The following RNF111 variants were observed in gnomAD, a reference collection of about 807,000 sequenced individuals.
RNF111 encodes ring finger protein 111.
In RNF111, 17 loss-of-function variants were observed where a neutral mutation model predicts 95.1. The observed-to-expected ratio is 0.18, with a 90% confidence interval of 0.12 to 0.27. The LOEUF is 0.27. Ranked by LOEUF, RNF111 falls within the 10% of genes least tolerant of loss-of-function variation. The probability of loss-of-function intolerance (pLI) is 1.00; values close to 1 mark genes in which losing one functional copy is unlikely to be tolerated. For synonymous variants in RNF111, 440 were observed against 414.8 expected (o/e 1.06, Z -0.74); for missense variants, 1,189 against 1,210.4 (o/e 0.98, Z 0.26).
intron 6 of RNF111, among the ~76,000 whole-genome samples, chr15:59,072,545 C>T (rs1348826533): frequency 6.6e-6 from 1 of 150,392 alleles, no homozygotes; most frequent in Non-Finnish European, 1.5e-5. Context: ...GCTCCACCTC[C>T]CAGGTTCATG....
intron 7 of RNF111, among the ~76,000 whole-genome samples, chr15:59,077,941 T>C (rs1403540534): frequency 6.6e-6 from 1 of 152,224 alleles, no homozygotes; most frequent in South Asian, 2.1e-4. Flanking sequence ...GCCCGTGCTT[T>C]TAAAAAACAT....
At chr15:58,996,777 TG>T (rs1297321452) in intron 1 of RNF111, among the ~76,000 whole-genome samples, 1 of 151,716 alleles carries the variant, frequency 6.6e-6, no homozygotes, top group Non-Finnish European at 1.5e-5. Context: ...TAACTTAATG[TG>T]TGTTTTTTCA....
chr15:59,092,602 T>C lies in RNF111; in HGVS notation c.2805T>C (p.Thr935=). The part of the protein sequence containing the change: ...GTEEDTEEKC[T]ICLSILEEGE... ...AGGAAGACACAGAGGAAAAATGTAC[T>C]ATCTGTTTGTCTATTTTAGAGGAAG... Residue 935 remains threonine, a synonymous_variant, in exon 13 of 14, where the codon ACT becomes ACC. Transcript: ENST00000348370. 2 of 1,612,288 alleles carry C rather than the reference T, an allele frequency of 1.2e-6. No individual in the cohort carries two copies. Among genetic ancestry groups the C allele is most frequent in the Non-Finnish European group, 1.7e-6 (2 of 1,178,646 alleles).
At chr15:59,070,816 G>T (rs1260417133) in intron 6 of RNF111, among the ~76,000 whole-genome samples, 7 of 152,044 alleles carry the variant, frequency 4.6e-5, no homozygotes, top group African/African-American at 1.7e-4. Flanking sequence ...TTCCTCTCGG[G>T]ACTGTTGGGT....
chr15:58,996,541 A>G (rs1368103570), intron 1 of RNF111, among the ~76,000 whole-genome samples: 1 of 151,798 alleles, frequency 6.6e-6, no homozygotes, highest in Non-Finnish European at 1.5e-5. Flanking sequence ...AGATCATGCC[A>G]CTGTACTCCA....
At chr15:59,001,825 A>G (rs2039336654) in intron 1 of RNF111, among the ~76,000 whole-genome samples, 1 of 152,218 alleles carries the variant, frequency 6.6e-6, no homozygotes, top group Non-Finnish European at 1.5e-5. Flanking sequence ...TGAGGGATAC[A>G]GTCCAAGACC....
chr15:59,004,193 G>T, intron 1 of RNF111: 1 of 1,072,520 alleles, frequency 9.3e-7, no homozygotes, highest in African/African-American at 1.7e-5. Flanking sequence ...TTTGTTTTTA[G>T]TTATCTTCCT....
At chr15:58,990,138 A>G (rs1183815119) in intron 1 of RNF111, among the ~76,000 whole-genome samples, 1 of 152,214 alleles carries the variant, frequency 6.6e-6, no homozygotes, top group Non-Finnish European at 1.5e-5. Flanking sequence ...GCTATACATT[A>G]GATCTCCGAG....
At chr15:59,085,812 G>A in intron 10 of RNF111, 27 bp downstream of exon 10, 1 of 1,602,008 alleles carries the variant, frequency 6.2e-7, no homozygotes, top group Non-Finnish European at 8.5e-7. Context: ...TCAAAATTTT[G>A]ACATGTTCTA....
intron 1 of RNF111, among the ~76,000 whole-genome samples, chr15:58,992,265 G>T (rs1037611421): frequency 6.6e-6 from 1 of 152,134 alleles, no homozygotes; most frequent in African/African-American, 2.4e-5. Flanking sequence ...GGCTGGTCTT[G>T]AACTCGTGAT....
chr15:59,065,981 C>A (rs1385689044), intron 5 of RNF111, among the ~76,000 whole-genome samples: 2 of 151,954 alleles, frequency 1.3e-5, no homozygotes, highest in African/African-American at 2.4e-5. Context: ...TGAGACTTCA[C>A]CAGATACACT....
intron 2 of RNF111, among the ~76,000 whole-genome samples, chr15:59,044,924 ATTATG>A (rs1305048346): frequency 1.3e-5 from 2 of 152,158 alleles, no homozygotes; most frequent in Non-Finnish European, 2.9e-5. Context: ...ATTTTTATGT[ATTATG>A]TTCAAGTTAT....
At chr15:58,991,582 C>G (rs2038819567) in intron 1 of RNF111, among the ~76,000 whole-genome samples, 1 of 151,950 alleles carries the variant, frequency 6.6e-6, no homozygotes, top group South Asian at 2.1e-4. Context: ...TTAGGGAGGG[C>G]CTTTTTAGAG....
intron 1 of RNF111, among the ~76,000 whole-genome samples, chr15:58,997,466 C>G (rs192514276): frequency 2.6e-5 from 4 of 151,746 alleles, no homozygotes; most frequent in African/African-American, 9.7e-5. Context: ...AAGACAGTGG[C>G]CAAACTGCAT....
chr15:59,012,945 G>A (rs1035898917), intron 1 of RNF111, among the ~76,000 whole-genome samples: 1 of 152,124 alleles, frequency 6.6e-6, no homozygotes, highest in South Asian at 2.1e-4. Context: ...CGCCATGTTG[G>A]CCAGGCTGGT....
intron 7 of RNF111, among the ~76,000 whole-genome samples, chr15:59,078,580 A>G (rs1243836270): frequency 6.7e-6 from 1 of 148,956 alleles, no homozygotes; most frequent in African/African-American, 2.5e-5. Flanking sequence ...AAAAAAGACC[A>G]GGCACAGTGG....
rs190095748 is a variant in RNF111, at chr15:59,025,794, G to A, written c.-19-5010G>A. On this transcript the variant is annotated intron_variant, in intron 1 of 13. Coordinates refer to ENST00000348370, the MANE Select transcript of RNF111 (RefSeq NM_017610.8). ...CTCCCAGGCTGGAGTGCAATGGCGC[G>A]ATCTCGGCTCACCGCAACCGCTGCC... Among the ~76,000 whole-genome samples, 5 of 151,604 alleles carry A rather than the reference G, an allele frequency of 3.3e-5. No individual in the cohort carries two copies. In the East Asian group the frequency reaches 9.7e-4, roughly 29 times the overall value.
chr15:59,067,252 TTTAAC>T (rs1290139137), intron 6 of RNF111, among the ~76,000 whole-genome samples, 169 bp downstream of exon 6: 1 of 120,146 alleles, frequency 8.3e-6, no homozygotes, highest in African/African-American at 3.2e-5. Context: ...TTTTTTTTTT[TTTAAC>T]TCCCTCCCAT....
At chr15:59,032,753 C>T (rs1368458316) in intron 2 of RNF111, among the ~76,000 whole-genome samples, 1 of 152,120 alleles carries the variant, frequency 6.6e-6, no homozygotes, top group Non-Finnish European at 1.5e-5. Context: ...AAAGTAATTT[C>T]AAGTAACTTT....
Sources: allele counts gnomAD v4.1 joint callset (sites outside exome capture counted in the v4.1 genomes callset), GRCh38; gene constraint gnomAD v4.1.1; transcripts MANE v1.5; gene names NCBI Gene and HGNC (gene_info 2026-07-23, HGNC 2026-07-21).